The following GYS1 variants were observed in gnomAD, a reference collection of about 807,000 sequenced individuals.
GYS1 encodes glycogen [starch] synthase, muscle.
GYS1 carries 60 observed loss-of-function variants against 89.1 expected under a neutral mutation model. The ratio of observed to expected loss-of-function variants is 0.67; its 90% CI spans 0.55 to 0.84. The LOEUF (loss-of-function observed/expected upper bound fraction) is 0.84. Among genes scored for constraint, GYS1 ranks in the 40% least tolerant of loss-of-function variants. The pLI, the probability that GYS1 is intolerant of heterozygous loss-of-function variation, is 0.00. For missense variants in GYS1, 888 were observed against 1,003.1 expected (o/e 0.89, Z 1.55); for synonymous variants, 366 against 401.7 (o/e 0.91, Z 1.06).
At chr19:48,992,589 A>C (rs1369006278) in intron 1 of GYS1, among the ~76,000 whole-genome samples, 1 of 134,438 alleles carries the variant, frequency 7.4e-6, no homozygotes, top group Admixed American at 7.5e-5. Flanking sequence ...GCTCTCTCTC[A>C]AATCTGGAGT....
At chr19:48,984,376 T>C (rs2038808662) in intron 5 of GYS1, among the ~76,000 whole-genome samples, 1 of 147,808 alleles carries the variant, frequency 6.8e-6, no homozygotes, top group South Asian at 2.1e-4. Flanking sequence ...ATTTTGGATT[T>C]TGATGAGATA....
At chr19:48,987,090 C>A in intron 3 of GYS1, 104 bp downstream of exon 3, 1 of 818,560 alleles carries the variant, frequency 1.2e-6, no homozygotes. Context: ...GATTAAAGGA[C>A]CCTATGACTC....
chr19:48,972,141 C>T (rs1016148459), intron 12 of GYS1, among the ~76,000 whole-genome samples: 9 of 150,962 alleles, frequency 6.0e-5, no homozygotes, highest in African/African-American at 2.2e-4. Flanking sequence ...AAAAAAAAAC[C>T]ATCCTGGCCA....
chr19:48,978,332 TCTC>T lies in GYS1; in HGVS notation c.1170-178_1170-176del, dbSNP rs576343855. 954 of 649,082 alleles carry T rather than the reference TCTC, an allele frequency of 1.5e-3. 18 individuals carry two copies. Among genetic ancestry groups the T allele is most frequent in the South Asian group, 0.014 (936 of 65,016 alleles). The allele number at this position is 649,082 out of a possible 1,614,324, so 40.2% of individuals were successfully genotyped here. ...CCTCTGCCTCCCAGGTTCAAGCAAT[TCTC>T]CTGCCTCAGCCTCCCGAGTAGCTGG... is the stretch of plus-strand genomic sequence containing the variant. On this transcript the variant is annotated intron_variant, in intron 8 of 15. Coordinates refer to ENST00000323798, the MANE Select transcript of GYS1 (RefSeq NM_002103.5).
chr19:48,991,424 C>G lies in GYS1; in HGVS notation c.178G>C (p.Asp60His). The change falls in exon 2 of 16, where the codon GAC (aspartate) becomes CAC (histidine). Residue 60 changes from aspartate to histidine, a missense_variant. Physicochemically the swap from Asp to His is moderately conservative, Grantham distance 81. Transcript: ENST00000323798. This position sits in a 1 kb window ranked among gnomAD's most constrained non-coding sequence, Gnocchi z 4.7. Reference protein sequence around the residue: ...KAKVTGDEWGDNYFLVGPYTE... With the variant: ...KAKVTGDEWGHNYFLVGPYTE... ...TACGGCCCCACCAGGAAGTAGTTGTCGCCCCATTCGTCCCCTGTCACCTTC... is the reference window on the plus strand; with the variant it reads ...TACGGCCCCACCAGGAAGTAGTTGTGGCCCCATTCGTCCCCTGTCACCTTC... 1 of 1,614,154 alleles carries G rather than the reference C, an allele frequency of 6.2e-7. No homozygotes were observed. Among genetic ancestry groups the G allele is most frequent in the Non-Finnish European group, 8.5e-7 (1 of 1,180,038 alleles).
At chr19:48,990,005 G>GC (rs2038900766) in intron 2 of GYS1, among the ~76,000 whole-genome samples, 3 of 134,848 alleles carry the variant, frequency 2.2e-5, no homozygotes, top group African/African-American at 2.8e-5. Context: ...TGCTGGGGGG[G>GC]GGGGGGGGCT....
intron 15 of GYS1, 55 bp downstream of exon 15, chr19:48,969,720 C>T (rs2038524632): frequency 3.8e-6 from 6 of 1,586,882 alleles, no homozygotes; most frequent in Non-Finnish European, 5.2e-6. Context: ...ACCCCCACCC[C>T]ACCGAAGCCC....
At chr19:48,979,948 C>CT (rs775904270) in intron 8 of GYS1, among the ~76,000 whole-genome samples, 5 of 151,558 alleles carry the variant, frequency 3.3e-5, no homozygotes, top group South Asian at 2.1e-4. Context: ...CGCCCGACTT[C>CT]TTTTTTATTT....
intron 5 of GYS1, among the ~76,000 whole-genome samples, chr19:48,983,634 A>C (rs1347133815): frequency 2.6e-5 from 4 of 152,192 alleles, no homozygotes; most frequent in Admixed American, 1.3e-4. Context: ...AAGTTCTGGA[A>C]CATATAGAGC....
chr19:48,975,793 G>C (rs535746238), intron 10 of GYS1, among the ~76,000 whole-genome samples: 4 of 151,312 alleles, frequency 2.6e-5, no homozygotes, highest in Admixed American at 6.6e-5. Flanking sequence ...CAGGCGTGGT[G>C]GTGGGTGCCT....
chr19:48,969,236 C>T lies in GYS1; in HGVS notation c.*52G>A, dbSNP rs745340771. ...GTTTAGGAGCAGCACCCCTCTGCAT[C>T]CTCTCTCTGGAGCAGAGAGGCAGGA... On this transcript the variant is annotated 3_prime_UTR_variant, in exon 16 of 16. Coordinates refer to ENST00000323798, the MANE Select transcript of GYS1 (RefSeq NM_002103.5). The T allele has an allele frequency of 8.0e-5, 117 of 1,465,434 alleles. 1 individual carries two copies. The highest frequency in any genetic ancestry group is 1.0e-4 in the Non-Finnish European group (113 of 1,090,598). The allele number at this position is 1,465,434 out of a possible 1,614,324, so 90.8% of individuals were successfully genotyped here. A position where few individuals can be genotyped will look rare whatever the true frequency, so the allele number is the denominator to read the frequency against.
chr19:48,987,009 T>C (rs1404028502), intron 3 of GYS1, among the ~76,000 whole-genome samples, 185 bp downstream of exon 3: 2 of 152,154 alleles, frequency 1.3e-5, no homozygotes, highest in African/African-American at 4.8e-5. Flanking sequence ...CTAGAGTAAA[T>C]GAAGTTGGCA....
intron 6 of GYS1, 94 bp from the exon 7 acceptor site, chr19:48,982,469 C>A: frequency 1.4e-6 from 2 of 1,442,596 alleles, no homozygotes; most frequent in Non-Finnish European, 1.9e-6. Flanking sequence ...GGTGGGGGGG[C>A]AGAGGATGTC....
At position 48,974,257 on chromosome 19, in the gene GYS1, A is replaced by C. The variant is rs750864391; in HGVS notation, c.1505T>G (p.Leu502Arg). 1 of 1,613,336 alleles carries C rather than the reference A, an allele frequency of 6.2e-7. No individual in the cohort carries two copies. The highest frequency in any genetic ancestry group is 1.1e-5 in the South Asian group (1 of 90,848). Residue 502 changes from leucine (L) to arginine (R), a missense_variant, in exon 12 of 16, where the codon CTT (leucine) becomes CGT (arginine). Leu to Arg is a moderately radical substitution (Grantham distance 102). Transcript: ENST00000323798. ...CTCATAGTAGGAGGGGAAGACTCCA[A>C]GGTGACAGCCACGGACAAACTCCTC... ...DYEEFVRGCH[L>R]GVFPSYYEPW...
chr19:48,973,342 C>A (rs900544220), intron 12 of GYS1, among the ~76,000 whole-genome samples: 2 of 150,598 alleles, frequency 1.3e-5, no homozygotes, highest in African/African-American at 4.9e-5. Context: ...TTTTTTATAG[C>A]GGTGTGAAAA....
chr19:48,976,718 G>GT (rs1477668344), intron 10 of GYS1, among the ~76,000 whole-genome samples: 1 of 152,120 alleles, frequency 6.6e-6, no homozygotes, highest in Non-Finnish European at 1.5e-5. Flanking sequence ...GCTGAGAGTT[G>GT]TAATTCTTTT....
intron 14 of GYS1, chr19:48,970,221 C>T (rs556210671): frequency 7.2e-4 from 318 of 441,432 alleles, no homozygotes; most frequent in Non-Finnish European, 1.1e-3. Context: ...ACCTCCGGGG[C>T]TCAAGCGACC....
chr19:48,974,095 A>G, intron 12 of GYS1, 118 bp downstream of exon 12: 1 of 1,065,832 alleles, frequency 9.4e-7, no homozygotes, highest in Admixed American at 2.0e-5. Context: ...GGTGATTACC[A>G]TTGTTCCTGT....
At chr19:48,983,097 C>T (rs755631717) in intron 5 of GYS1, among the ~76,000 whole-genome samples, 4 of 152,134 alleles carry the variant, frequency 2.6e-5, no homozygotes, top group Non-Finnish European at 5.9e-5. Flanking sequence ...AGCAATCCTC[C>T]CTCCTCAGCC....
Sources: gnomAD v4.1 joint callset for allele counts (sites outside exome capture counted in the v4.1 genomes callset) on GRCh38, gnomAD v4.1.1 for gene constraint, Gnocchi (gnomAD v3.1) non-coding constraint, MANE v1.5 for transcripts, NCBI Gene and HGNC (gene_info 2026-07-23, HGNC 2026-07-21) for gene names.